The following EPS15L1 variants were observed in gnomAD, a reference collection of about 807,000 sequenced individuals.
The protein encoded by EPS15L1 is epidermal growth factor receptor substrate 15-like 1.
EPS15L1 carries 43 observed loss-of-function variants against 117.1 expected under a neutral mutation model. The ratio of observed to expected loss-of-function variants is 0.37; its 90% confidence interval spans 0.29 to 0.47. EPS15L1 has a LOEUF of 0.47. EPS15L1 is among the 20% of genes least tolerant of loss of function. EPS15L1 has a pLI of 0.99. For missense variants in EPS15L1, 981 were observed against 1,164.0 expected (o/e 0.84, Z 2.29); for synonymous variants, 459 against 470.5 (o/e 0.98, Z 0.32).
At chr19:16,454,861 G>A (rs543252035) in intron 1 of EPS15L1, among the ~76,000 whole-genome samples, 26 of 151,224 alleles carry the variant, frequency 1.7e-4, no homozygotes, top group African/African-American at 6.1e-4. Context: ...CAGGCATGGT[G>A]GCTCACACCT....
chr19:16,446,553 G>C (rs1422234665), intron 1 of EPS15L1, among the ~76,000 whole-genome samples: 2 of 152,168 alleles, frequency 1.3e-5, no homozygotes, highest in Admixed American at 6.5e-5. Context: ...AATATTACTA[G>C]TCCAGTTGAC....
intron 23 of EPS15L1, among the ~76,000 whole-genome samples, chr19:16,359,176 G>T (rs1210095529): frequency 6.6e-6 from 1 of 152,148 alleles, no homozygotes; most frequent in Admixed American, 6.6e-5. Flanking sequence ...GTCTCAGAAC[G>T]TCCACGCTGA....
intron 1 of EPS15L1, among the ~76,000 whole-genome samples, chr19:16,445,682 T>C (rs1195577682): frequency 1.3e-5 from 2 of 152,176 alleles, no homozygotes; most frequent in Admixed American, 6.5e-5. Flanking sequence ...GATTCACAGC[T>C]ACTGGGAAAG....
At chr19:16,394,573 G>A (rs963358672) in intron 17 of EPS15L1, among the ~76,000 whole-genome samples, 3 of 152,170 alleles carry the variant, frequency 2.0e-5, no homozygotes, top group Non-Finnish European at 4.4e-5. Context: ...GTTTTGCTCT[G>A]AAACATGGAC....
intron 13 of EPS15L1, among the ~76,000 whole-genome samples, chr19:16,409,049 C>T (rs1427099177): frequency 6.6e-6 from 1 of 152,028 alleles, no homozygotes; most frequent in African/African-American, 2.4e-5. Context: ...CAGCGAGACC[C>T]TGTCTCTTAA....
At chr19:16,456,176 G>C (rs1291219966) in intron 1 of EPS15L1, among the ~76,000 whole-genome samples, 1 of 152,110 alleles carries the variant, frequency 6.6e-6, no homozygotes, top group South Asian at 2.1e-4. Flanking sequence ...CTCCAGCCTG[G>C]GCAACAAGAG....
chr19:16,420,983 G>A (rs375644909), intron 10 of EPS15L1, among the ~76,000 whole-genome samples: 9 of 152,356 alleles, frequency 5.9e-5, no homozygotes, highest in South Asian at 4.1e-4. Flanking sequence ...TCCCGGAGGC[G>A]GCTGTGACAA....
chr19:16,381,384 G>A lies in EPS15L1; in HGVS notation c.2247+3745C>T, dbSNP rs2092361044. On this transcript the variant is annotated intron_variant, in intron 21 of 23. Transcript: ENST00000455140. This position sits in a 1 kb window ranked among gnomAD's most constrained non-coding sequence, Gnocchi z 4.2. ...CTCAGCTGCCGAGGGCCACCCCAGT[G>A]GTGGGTCCAGGGCCTCGTCCTGGGC... 6.6e-6 allele frequency among the ~76,000 whole-genome samples: 1 copy of A among 152,226 alleles called. No homozygotes were observed. Among genetic ancestry groups the A allele is most frequent in the Admixed American group, 6.5e-5 (1 of 15,284 alleles).
chr19:16,402,782 G>A lies in EPS15L1; in HGVS notation c.1627-297C>T, dbSNP rs545686343. Among the ~76,000 whole-genome samples, 8 of 152,046 alleles carry A rather than the reference G, an allele frequency of 5.3e-5. No individual in the cohort carries two copies. The East Asian group carries it at 1.4e-3, about 26-fold the overall frequency. ...GTATTTTTTGTAGAGATGGGGTCTC[G>A]CTATGTTGTCCAGTCTGGTCTTGAA... On this transcript the variant is annotated intron_variant, in intron 15 of 23. Transcript: ENST00000455140.
chr19:16,400,350 C>CAAAAAAAAA (rs2092587015), intron 16 of EPS15L1, among the ~76,000 whole-genome samples: 1 of 128,864 alleles, frequency 7.8e-6, no homozygotes, highest in Non-Finnish European at 1.7e-5. Context: ...AAAAAAAAAA[C>CAAAAAAAAA]AAAAACAAAA....
intron 22 of EPS15L1, among the ~76,000 whole-genome samples, chr19:16,369,038 T>C (rs2144665136): frequency 6.6e-6 from 1 of 152,294 alleles, no homozygotes; most frequent in South Asian, 2.1e-4. Flanking sequence ...CAGTATAGGT[T>C]CTAAAATTCA....
chr19:16,413,548 C>G (rs2092727736), intron 13 of EPS15L1: 1 of 729,278 alleles, frequency 1.4e-6, no homozygotes, highest in Admixed American at 2.4e-5. Context: ...ATGCAGAGCA[C>G]CCAGGCTCCA....
intron 21 of EPS15L1, among the ~76,000 whole-genome samples, chr19:16,380,877 C>T (rs1361233409): frequency 6.6e-6 from 1 of 152,204 alleles, no homozygotes; most frequent in Non-Finnish European, 1.5e-5. Context: ...AGAGATGCAT[C>T]GATCTGGGCT....
intron 1 of EPS15L1, among the ~76,000 whole-genome samples, chr19:16,450,612 C>A (rs139849142): frequency 0.014 from 2,047 of 151,276 alleles, 39 homozygotes; most frequent in African/African-American, 0.047. Flanking sequence ...TCCCAAGTAG[C>A]TGGGATTACA....
intron 7 of EPS15L1, among the ~76,000 whole-genome samples, chr19:16,431,257 TAATA>T (rs2092924911): frequency 6.6e-6 from 1 of 151,316 alleles, no homozygotes; most frequent in Non-Finnish European, 1.5e-5. Context: ...AACTTTTTTT[TAATA>T]AATAAATAAA....
intron 1 of EPS15L1, among the ~76,000 whole-genome samples, chr19:16,442,777 A>G (rs1185005926): frequency 6.6e-6 from 1 of 152,212 alleles, no homozygotes; most frequent in Non-Finnish European, 1.5e-5. Context: ...TGTTCCCACC[A>G]GGGAAGGAAG....
At chr19:16,364,143 GAA>G (rs961556032) in intron 22 of EPS15L1, among the ~76,000 whole-genome samples, 3 of 152,230 alleles carry the variant, frequency 2.0e-5, no homozygotes, top group Admixed American at 2.0e-4. Flanking sequence ...ACATGGATGA[GAA>G]AGAGGGGAGG....
chr19:16,362,962 A>AG (rs1360371257), intron 22 of EPS15L1, among the ~76,000 whole-genome samples: 1 of 152,134 alleles, frequency 6.6e-6, no homozygotes, highest in Non-Finnish European at 1.5e-5. Flanking sequence ...GTGAGAGAGA[A>AG]GTGTTCAGAA....
chr19:16,373,713 T>C (rs2092257060), intron 22 of EPS15L1, among the ~76,000 whole-genome samples: 2 of 152,140 alleles, frequency 1.3e-5, no homozygotes, highest in Non-Finnish European at 2.9e-5. Context: ...CGGCTCTGAT[T>C]CCCTTGACCA....
Sources: gnomAD v4.1 joint callset for allele counts (sites outside exome capture counted in the v4.1 genomes callset) on GRCh38, gnomAD v4.1.1 for gene constraint, Gnocchi (gnomAD v3.1) non-coding constraint, MANE v1.5 for transcripts, NCBI Gene and HGNC (gene_info 2026-07-23, HGNC 2026-07-21) for gene names.